The following PPIE variants were observed in gnomAD, a reference collection of about 807,000 sequenced individuals.
PPIE encodes peptidylprolyl isomerase E, also known as peptidyl-prolyl cis-trans isomerase E.
A neutral mutation model predicts 38.4 loss-of-function variants in PPIE; 20 were observed. That is an observed-to-expected ratio of 0.52 (90% CI 0.37 to 0.76). The LOEUF (loss-of-function observed/expected upper bound fraction) is 0.76, where lower values mean the gene tolerates loss of function less well. Ranked by LOEUF, PPIE falls within the 30% of genes least tolerant of loss-of-function variation. The pLI, the probability that PPIE is intolerant of heterozygous loss-of-function variation, is 0.00. For missense variants in PPIE, 322 were observed against 385.8 expected (o/e 0.83, Z 1.39); for synonymous variants, 142 against 135.7 (o/e 1.05, Z -0.32).
intron 6 of PPIE, 89 bp from the exon 7 acceptor site, chr1:39,745,286 T>G: frequency 1.9e-6 from 3 of 1,544,718 alleles, no homozygotes; most frequent in Non-Finnish European, 2.7e-6. Context: ...CGCACTGGAG[T>G]TGTGTTCTGG....
At chr1:39,762,001 G>A (rs545308781) in intron 9 of PPIE, among the ~76,000 whole-genome samples, 90 of 152,330 alleles carry the variant, frequency 5.9e-4, no homozygotes, top group African/African-American at 2.1e-3. Flanking sequence ...TCACCTTCCC[G>A]CGTGCCTCCC....
At position 39,743,355 on chromosome 1, in the gene PPIE, A is replaced by AT. The variant is rs371374758; in HGVS notation, c.283+64dup. On this transcript the variant is annotated intron_variant, in intron 5 of 9. Transcript: ENST00000324379. ...TGTTCTGCAGTTTGGCCTTAGTTGC[A>AT]TTTTTTGTCTCTATTTACTTGGAAG... 3.2e-4 allele frequency: 467 copies of AT among 1,476,948 alleles called. 3 individuals are homozygous for AT. In the East Asian group the frequency reaches 8.7e-3, roughly 28 times the overall value. 91.5% of individuals were successfully genotyped at this position (1,476,948 alleles called of 1,614,324 possible).
At chr1:39,749,227 C>A in intron 8 of PPIE, 139 bp downstream of exon 8, 1 of 871,488 alleles carries the variant, frequency 1.1e-6, no homozygotes, top group Non-Finnish European at 1.8e-6. Flanking sequence ...CATAGGAGAA[C>A]CATGCAGCCT....
intron 4 of PPIE, 120 bp downstream of exon 4, chr1:39,742,041 C>A: frequency 2.0e-6 from 2 of 1,022,818 alleles, no homozygotes; most frequent in African/African-American, 1.6e-5. Context: ...GGTAAAAATT[C>A]TCACATGAAA....
intron 8 of PPIE, among the ~76,000 whole-genome samples, chr1:39,750,303 T>A (rs1647584044): frequency 6.6e-6 from 1 of 152,140 alleles, no homozygotes; most frequent in Non-Finnish European, 1.5e-5. Flanking sequence ...AGACTTCTAG[T>A]CCCATCTCGC....
chr1:39,748,683 T>C (rs930659892), intron 7 of PPIE: 5 of 516,434 alleles, frequency 9.7e-6, no homozygotes, highest in Non-Finnish European at 1.7e-5. Flanking sequence ...TGCAGTGAAC[T>C]GAGATTGTGC....
At chr1:39,761,457 C>T (rs1260393927), downstream of PPIE, 2 of 152,064 alleles carry the variant, frequency 1.3e-5, no homozygotes, top group Non-Finnish European at 2.9e-5. Context: ...CCCCCAGCAG[C>T]CAGAGAGAGG....
chr1:39,741,531 GAAGT>G, intron 3 of PPIE, 122 bp downstream of exon 3: 1 of 1,017,792 alleles, frequency 9.8e-7, no homozygotes. Context: ...AGAGAGATCA[GAAGT>G]AAGTGCTGTT....
intron 9 of PPIE, among the ~76,000 whole-genome samples, chr1:39,761,870 C>A (rs1014624689): frequency 2.0e-5 from 3 of 152,254 alleles, no homozygotes; most frequent in Non-Finnish European, 4.4e-5. Flanking sequence ...CCGACAGCCT[C>A]CCCTAGAGCG....
downstream of PPIE, chr1:39,758,713 G>A (rs933485424): frequency 6.6e-6 from 1 of 152,268 alleles, no homozygotes; most frequent in Admixed American, 6.5e-5. Context: ...TACAAGGCAG[G>A]TCTCTTCACC....
chr1:39,754,059 C>G lies in PPIE; in HGVS notation c.*704C>G, dbSNP rs1028597924. ...TATAACTCAAAGTGCCTTCTCTGTG[C>G]CAAGTACTATGCCTATTTGTCAGGA... On this transcript the variant is annotated 3_prime_UTR_variant, in exon 10 of 10. Transcript: ENST00000324379. The G allele has an allele frequency of 1.1e-5, 11 of 985,224 alleles. No homozygotes were observed. The African/African-American group carries it at 1.9e-4, about 17-fold the overall frequency. The allele number at this position is 985,224 out of a possible 1,614,324, so 61.0% of individuals were successfully genotyped here. A position where few individuals can be genotyped will look rare whatever the true frequency, so the allele number is the denominator to read the frequency against.
chr1:39,742,385 G>A (rs1647080822), intron 4 of PPIE: 1 of 153,866 alleles, frequency 6.5e-6, no homozygotes, highest in African/African-American at 2.4e-5. Flanking sequence ...CCTTCCTTGA[G>A]ATCCTTTTAG....
downstream of PPIE, among the ~76,000 whole-genome samples, chr1:39,761,674 C>G (rs534040916): frequency 2.0e-5 from 3 of 152,284 alleles, no homozygotes; most frequent in African/African-American, 7.2e-5. Context: ...CTGCCAAGCT[C>G]ACTGCTGTCT....
rs902600488 is a variant in PPIE, at chr1:39,755,871, CAG to C, written c.*2517_*2518del. 2 of 985,182 alleles carry C rather than the reference CAG, an allele frequency of 2.0e-6. No homozygotes were observed. The highest frequency in any genetic ancestry group is 1.7e-5 in the African/African-American group (1 of 57,222). The allele number at this position is 985,182 out of a possible 1,614,324, so 61.0% of individuals were successfully genotyped here. On this transcript the variant is annotated 3_prime_UTR_variant, in exon 10 of 10. Coordinates refer to ENST00000324379, the MANE Select transcript of PPIE (RefSeq NM_006112.4). ...ATTGGCGTGACTGCCAAAGGTCACA[CAG>C]GGTGGTTTGGCAGAGCTGGGATTAG...
chr1:39,739,482 GA>G (rs111846200), intron 1 of PPIE, among the ~76,000 whole-genome samples: 5 of 152,186 alleles, frequency 3.3e-5, no homozygotes, highest in South Asian at 2.1e-4. Flanking sequence ...AGACTAGCCA[GA>G]AAAAAAGTGG....
chr1:39,746,899 C>T (rs112748095), intron 7 of PPIE: 5 of 152,176 alleles, frequency 3.3e-5, no homozygotes, highest in South Asian at 2.1e-4. Context: ...TTACTCTGTT[C>T]GAAATTTTTG....
intron 8 of PPIE, 96 bp downstream of exon 8, chr1:39,749,184 C>T (rs1335604056): frequency 6.8e-6 from 9 of 1,326,766 alleles, no homozygotes; most frequent in African/African-American, 3.0e-5. Context: ...GGCTGGCGGA[C>T]ACTAAGAGTC....
chr1:39,756,441 G>T lies in PPIE; in HGVS notation c.*3086G>T. On this transcript the variant is annotated 3_prime_UTR_variant, in exon 10 of 10. Transcript: ENST00000324379. ...AAACGGTTACAAAGGCTGAAACCAG[G>T]GATGGCAGGCCCAGGATCAGTGCTG... 1.0e-6 allele frequency: 1 copy of T among 985,416 alleles called. No homozygotes were observed. The highest frequency in any genetic ancestry group is 4.7e-5 in the South Asian group (1 of 21,278). The allele number at this position is 985,416 out of a possible 1,614,324, so 61.0% of individuals were successfully genotyped here.
chr1:39,760,065 C>T (rs1426452225), downstream of PPIE: 1 of 293,958 alleles, frequency 3.4e-6, no homozygotes, highest in African/African-American at 2.2e-5. Context: ...CATTCCACAT[C>T]TATCTCACGA....
Sources: allele counts gnomAD v4.1 joint callset (sites outside exome capture counted in the v4.1 genomes callset), GRCh38; gene constraint gnomAD v4.1.1; transcripts MANE v1.5; gene names NCBI Gene and HGNC (gene_info 2026-07-23, HGNC 2026-07-21).